Variants in KIF11 observed in about 807,000 individuals in gnomAD.
KIF11 encodes kinesin-like protein KIF11.
A neutral mutation model predicts 121.0 loss-of-function variants in KIF11; 9 were observed. That is an observed-to-expected ratio of 0.07 (90% CI 0.04 to 0.13). The LOEUF is 0.13. Ranked by LOEUF, KIF11 falls within the 10% of genes least tolerant of loss-of-function variation. KIF11 has a pLI of 1.00. For synonymous variants in KIF11, 408 were observed against 421.0 expected (o/e 0.97, Z 0.38); for missense variants, 846 against 1,217.5 (o/e 0.69, Z 4.54).
chr10:92,609,083 G>T lies in KIF11; in HGVS notation c.451G>T (p.Gly151Cys). ...HQIFEKLTDN[G>C]TEFSVKVSLL... ...AATTTTTGAGAAACTTACTGATAAT[G>T]GTACTGAATTTTCAGTCAAAGTGTC... The change falls in exon 5 of 22, where the codon GGT becomes TGT. Residue 151 changes from glycine (G) to cysteine (C), a missense_variant. Gly to Cys is a radical substitution (Grantham distance 159, BLOSUM62 -3). Transcript: ENST00000260731. The T allele has an allele frequency of 6.2e-7, 1 of 1,602,706 alleles. No individual in the cohort carries two copies.
At position 92,645,891 on chromosome 10, in the gene KIF11, A is replaced by G. The variant is rs145476079; in HGVS notation, c.2547+249A>G. 6.6e-3 allele frequency among the ~76,000 whole-genome samples: 995 copies of G among 150,446 alleles called. 10 individuals carry two copies. The highest frequency in any genetic ancestry group is 0.023 in the African/African-American group (946 of 40,966). On this transcript the variant is annotated intron_variant, in intron 18 of 21. Coordinates refer to ENST00000260731, the MANE Select transcript of KIF11 (RefSeq NM_004523.4). ...ATTTATCCTTGGTTTCTGACTTAGT[A>G]GTTTCTTCAAAGAAGGGCACCCTGT...
intron 18 of KIF11, among the ~76,000 whole-genome samples, 200 bp from the exon 19 acceptor site, chr10:92,648,012 G>A (rs192260564): frequency 5.3e-5 from 8 of 151,846 alleles, no homozygotes; most frequent in Admixed American, 5.2e-4. Flanking sequence ...GGGAGGCTGA[G>A]GTGGGAGGAT....
chr10:92,653,275 G>A (rs909438018), intron 21 of KIF11, among the ~76,000 whole-genome samples: 10 of 152,146 alleles, frequency 6.6e-5, no homozygotes, highest in African/African-American at 2.2e-4. Context: ...AAGAAAAACA[G>A]TGTACTATGT....
intron 10 of KIF11, among the ~76,000 whole-genome samples, chr10:92,623,149 C>A (rs1321695737): frequency 6.6e-6 from 1 of 152,136 alleles, no homozygotes. Context: ...GTGTAACCAC[C>A]ACTGCAATCA....
intron 18 of KIF11, 71 bp from the exon 19 acceptor site, chr10:92,648,140 GA>G: frequency 9.6e-7 from 1 of 1,046,888 alleles, no homozygotes; most frequent in Non-Finnish European, 1.4e-6. Context: ...AAAGGTAAGG[GA>G]AAATATGATG....
At chr10:92,641,907 CCTT>C (rs1217770727) in intron 17 of KIF11, among the ~76,000 whole-genome samples, 1 of 152,126 alleles carries the variant, frequency 6.6e-6, no homozygotes, top group South Asian at 2.1e-4. Flanking sequence ...CACTGAGTCT[CCTT>C]CTGTCATCTC....
chr10:92,606,504 A>G, intron 2 of KIF11, 107 bp downstream of exon 2: 1 of 1,182,064 alleles, frequency 8.5e-7, no homozygotes, highest in East Asian at 2.5e-5. Context: ...TTGTCTCTGA[A>G]TTGTCAGATG....
Position 92,633,631 on chromosome 10 carries a change from C to G in KIF11, c.1711C>G (p.Leu571Val), listed in dbSNP as rs960937852. Residue 571 changes from leucine (L) to valine (V), a missense_variant, in exon 14 of 22, where the codon CTG becomes GTG. By Grantham distance (32) the Leu-to-Val change is conservative. Around this residue, in one of 5 missense-constraint regions of KIF11, gnomAD observed 492 missense variants for 603.4 expected, o/e 0.82. Coordinates refer to ENST00000260731, the MANE Select transcript of KIF11 (RefSeq NM_004523.4). ...GTTTTTGTTTGTTATAGGTAATCTG[C>G]TGTCTTCCAGTGTCTCTGCATTAGA... ...EVHKTLFGNL[L>V]SSSVSALDTI... The G allele has an allele frequency of 6.2e-7, 1 of 1,601,116 alleles. No homozygotes were observed.
At chr10:92,629,749 A>G (rs1000489199) in intron 11 of KIF11, among the ~76,000 whole-genome samples, 2 of 152,018 alleles carry the variant, frequency 1.3e-5, no homozygotes, top group African/African-American at 2.4e-5. Context: ...GAGTAGCTGG[A>G]CTTCAGGCAT....
chr10:92,606,968 G>C (rs558124053), intron 3 of KIF11, among the ~76,000 whole-genome samples, 191 bp from the exon 4 acceptor site: 39 of 152,220 alleles, frequency 2.6e-4, no homozygotes, highest in African/African-American at 8.4e-4. Context: ...GTAGAGACGT[G>C]GTTTCACTGT....
intron 4 of KIF11, among the ~76,000 whole-genome samples, chr10:92,608,238 A>C (rs1276541670): frequency 6.6e-6 from 1 of 151,122 alleles, no homozygotes; most frequent in Non-Finnish European, 1.5e-5. Flanking sequence ...CAGCCTCCTG[A>C]GTAGCTGGGA....
At chr10:92,625,920 A>G (rs1844671103) in intron 10 of KIF11, among the ~76,000 whole-genome samples, 1 of 152,230 alleles carries the variant, frequency 6.6e-6, no homozygotes. Flanking sequence ...GCTGAAAGAA[A>G]TCAGAGTTGA....
At chr10:92,622,529 C>T (rs1024650135) in intron 10 of KIF11, among the ~76,000 whole-genome samples, 25 of 150,956 alleles carry the variant, frequency 1.7e-4, no homozygotes, top group South Asian at 1.3e-3. Context: ...GCAGGAGAAT[C>T]ACTTGAACCT....
intron 5 of KIF11, 28 bp downstream of exon 5, chr10:92,609,233 C>A (rs762115075): frequency 1.3e-6 from 2 of 1,528,236 alleles, no homozygotes; most frequent in South Asian, 2.5e-5. Flanking sequence ...AATGAAATGT[C>A]TCTGAATTTT....
At chr10:92,600,177 G>A (rs866435216) in intron 1 of KIF11, among the ~76,000 whole-genome samples, 62 of 151,090 alleles carry the variant, frequency 4.1e-4, no homozygotes, top group African/African-American at 1.5e-3. Flanking sequence ...GCCAATTTTT[G>A]TATTTTTAGT....
At chr10:92,643,065 C>T (rs1167051056) in intron 17 of KIF11, among the ~76,000 whole-genome samples, 1 of 152,116 alleles carries the variant, frequency 6.6e-6, no homozygotes, top group East Asian at 1.9e-4. Flanking sequence ...GCACACACCA[C>T]CATGCCCAGC....
In KIF11 at chr10:92,613,475, A is replaced by G. The variant is rs1422078902; in HGVS notation, c.888A>G (p.Gly296=). The G allele has an allele frequency of 6.2e-7, 1 of 1,613,070 alleles. No individual in the cohort carries two copies. Among genetic ancestry groups the G allele is most frequent in the Non-Finnish European group, 8.5e-7 (1 of 1,179,144 alleles). The change falls in exon 8 of 22, where the codon GGA becomes GGG. Residue 296 remains glycine (G), a synonymous_variant. Coordinates refer to ENST00000260731, the MANE Select transcript of KIF11 (RefSeq NM_004523.4). This position sits in a 1 kb window ranked among gnomAD's most constrained non-coding sequence, Gnocchi z 4.2. ...GNINQSLLTL[G]RVITALVERT... Reference sequence around the variant, plus strand: ...TAAATCAATCCCTGTTGACTTTGGGAAGGGTCATTACTGCCCTTGTAGAAA... The same window carrying G: ...TAAATCAATCCCTGTTGACTTTGGGGAGGGTCATTACTGCCCTTGTAGAAA...
At chr10:92,598,123 T>C in intron 1 of KIF11, among the ~76,000 whole-genome samples, 1 of 152,212 alleles carries the variant, frequency 6.6e-6, no homozygotes, top group East Asian at 1.9e-4. Context: ...GTTTGTCTTT[T>C]TGTTTTTGTT....
At chr10:92,639,539 G>A (rs1387961081) in intron 16 of KIF11, among the ~76,000 whole-genome samples, 1 of 152,046 alleles carries the variant, frequency 6.6e-6, no homozygotes, top group Admixed American at 6.6e-5. Context: ...GCTGCAGTGA[G>A]CCTTGATTGT....
Sources: gnomAD v4.1 joint callset for allele counts (sites outside exome capture counted in the v4.1 genomes callset) on GRCh38, gnomAD v4.1.1 for gene constraint, gnomAD v4.1.1 regional missense constraint, Gnocchi (gnomAD v3.1) non-coding constraint, MANE v1.5 for transcripts, NCBI Gene and HGNC (gene_info 2026-07-23, HGNC 2026-07-21) for gene names.